The following UNC5C variants were observed in gnomAD, a reference collection of about 807,000 sequenced individuals.
UNC5C encodes the protein unc-5 netrin receptor C, also known as netrin receptor UNC5C.
Under a neutral mutation model 99.8 loss-of-function variants are expected in UNC5C, and 47 were observed. The observed-to-expected ratio is 0.47, with a 90% confidence interval of 0.37 to 0.60. The LOEUF (loss-of-function observed/expected upper bound fraction) is 0.60, where lower values mean the gene tolerates loss of function less well. Among genes scored for constraint, UNC5C ranks in the 20% least tolerant of loss-of-function variants. The pLI is 0.00. For missense variants in UNC5C, 1,062 were observed against 1,165.9 expected (o/e 0.91, Z 1.30); for synonymous variants, 487 against 452.2 (o/e 1.08, Z -0.98).
At chr4:95,452,316 T>C (rs1435573011) in intron 1 of UNC5C, among the ~76,000 whole-genome samples, 1 of 152,154 alleles carries the variant, frequency 6.6e-6, no homozygotes, top group East Asian at 1.9e-4. Flanking sequence ...TTCCAATCCT[T>C]TGCTTGAACA....
intron 1 of UNC5C, among the ~76,000 whole-genome samples, chr4:95,409,196 G>A (rs1217293100): frequency 6.6e-6 from 1 of 152,120 alleles, no homozygotes; most frequent in African/African-American, 2.4e-5. Flanking sequence ...TAAATAACAA[G>A]CATTACTATT....
At chr4:95,401,660 G>T (rs1379248948) in intron 1 of UNC5C, among the ~76,000 whole-genome samples, 1 of 152,142 alleles carries the variant, frequency 6.6e-6, no homozygotes, top group Non-Finnish European at 1.5e-5. Context: ...TATATGTTCA[G>T]CGCCTCTTCG....
rs201152268 is a variant in UNC5C at position 95,490,471 on chromosome 4, CTA to C, written c.124+58261_124+58262del. Among the ~76,000 whole-genome samples the C allele has an allele frequency of 8.6e-5, 13 of 151,766 alleles. No individual in the cohort carries two copies. The East Asian group carries it at 1.9e-3, about 23-fold the overall frequency. On this transcript the variant is annotated intron_variant, in intron 1 of 15. Coordinates refer to ENST00000453304, the MANE Select transcript of UNC5C (RefSeq NM_003728.4). ...CACTATAAAATAATTAACATCTTGA[CTA>C]TGTCTCAGATTCTGCATGTATATAT...
chr4:95,383,393 T>C (rs1167683229), intron 1 of UNC5C, among the ~76,000 whole-genome samples: 3 of 152,196 alleles, frequency 2.0e-5, no homozygotes, highest in African/African-American at 7.2e-5. Flanking sequence ...TATTTATTGT[T>C]ATTGTTAAAC....
chr4:95,242,703 AC>A, intron 6 of UNC5C, 110 bp from the exon 7 acceptor site: 14 of 1,182,786 alleles, frequency 1.2e-5, no homozygotes, highest in Non-Finnish European at 1.6e-5. Flanking sequence ...AGCATGCCCT[AC>A]TGAGAAGCAC....
intron 9 of UNC5C, among the ~76,000 whole-genome samples, chr4:95,216,869 A>G (rs781728006): frequency 3.3e-5 from 5 of 151,156 alleles, no homozygotes; most frequent in Admixed American, 6.5e-5. Flanking sequence ...AACCACCTGG[A>G]AAGCTTGTTA....
At chr4:95,296,053 A>C (rs925434600) in intron 3 of UNC5C, among the ~76,000 whole-genome samples, 2 of 152,300 alleles carry the variant, frequency 1.3e-5, no homozygotes, top group African/African-American at 4.8e-5. Context: ...GTGCTATTGC[A>C]CTCCCGTCTG....
intron 1 of UNC5C, among the ~76,000 whole-genome samples, chr4:95,405,475 T>C (rs1357113146): frequency 1.3e-5 from 2 of 152,320 alleles, no homozygotes; most frequent in Non-Finnish European, 2.9e-5. Context: ...CCAGTGATCC[T>C]CAGGGGGATG....
chr4:95,421,147 T>C (rs1313391783), intron 1 of UNC5C, among the ~76,000 whole-genome samples: 2 of 152,198 alleles, frequency 1.3e-5, no homozygotes, highest in Non-Finnish European at 2.9e-5. Flanking sequence ...TCCAAACAAA[T>C]TATACTGGAT....
At chr4:95,530,885 G>A (rs1033627229) in intron 1 of UNC5C, among the ~76,000 whole-genome samples, 4 of 152,106 alleles carry the variant, frequency 2.6e-5, no homozygotes, top group Non-Finnish European at 4.4e-5. Context: ...ATCAAGATTC[G>A]ATGACCTTTG....
chr4:95,273,867 G>A (rs1393886630), intron 4 of UNC5C, among the ~76,000 whole-genome samples: 3 of 152,028 alleles, frequency 2.0e-5, no homozygotes, highest in African/African-American at 4.8e-5. Flanking sequence ...GACTGATGGA[G>A]TCTGTCATCC....
intron 11 of UNC5C, among the ~76,000 whole-genome samples, chr4:95,205,926 G>A (rs1220823007): frequency 1.3e-5 from 2 of 151,824 alleles, no homozygotes; most frequent in Non-Finnish European, 2.9e-5. Context: ...GTACATGTCT[G>A]CAAGTAAGTG....
intron 1 of UNC5C, among the ~76,000 whole-genome samples, chr4:95,422,416 A>G (rs181800108): frequency 1.0e-3 from 152 of 152,224 alleles, no homozygotes; most frequent in Admixed American, 1.5e-3. Context: ...TGTTAAGAAA[A>G]CATTTTCTAA....
At position 95,356,224 on chromosome 4, in the gene UNC5C, A is replaced by AAAAAAAAAC. The variant is rs1560801873; in HGVS notation, c.125-20594_125-20593insGTTTTTTTT. 7.1e-5 allele frequency among the ~76,000 whole-genome samples: 9 copies of AAAAAAAAAC among 127,498 alleles called. 1 individual carries two copies. The highest frequency in any genetic ancestry group is 1.1e-4 in the Non-Finnish European group (7 of 62,006). 83.6% of individuals were successfully genotyped at this position (127,498 alleles called of 152,430 possible). The stretch of plus-strand genomic sequence containing the variant: ...AAAAAAAAAAAAAACAAAACAAAAA[A>AAAAAAAAAC]AAAACAGATTCCTCGTTCTTCCTCA... On this transcript the variant is annotated intron_variant, in intron 1 of 15. Coordinates refer to ENST00000453304, the MANE Select transcript of UNC5C (RefSeq NM_003728.4).
chr4:95,360,873 T>C (rs1744368630), intron 1 of UNC5C, among the ~76,000 whole-genome samples: 1 of 152,208 alleles, frequency 6.6e-6, no homozygotes, highest in Admixed American at 6.5e-5. Context: ...AAGAAAGTAA[T>C]TACAAGGTTT....
At chr4:95,381,414 A>T in intron 1 of UNC5C, among the ~76,000 whole-genome samples, 1 of 152,170 alleles carries the variant, frequency 6.6e-6, no homozygotes, top group Non-Finnish European at 1.5e-5. Context: ...AGAAAACTGG[A>T]GTGAAGGGGC....
At chr4:95,360,424 T>C (rs1320764879) in intron 1 of UNC5C, among the ~76,000 whole-genome samples, 1 of 152,132 alleles carries the variant, frequency 6.6e-6, no homozygotes, top group Admixed American at 6.6e-5. Flanking sequence ...GGAGAATTGT[T>C]AACTGCTCCA....
chr4:95,388,013 A>T (rs1350167925), intron 1 of UNC5C, among the ~76,000 whole-genome samples: 1 of 152,214 alleles, frequency 6.6e-6, no homozygotes, highest in Non-Finnish European at 1.5e-5. Context: ...ATTTGCTTTA[A>T]CATTGAAAAC....
chr4:95,345,468 A>T (rs899288304), intron 1 of UNC5C, among the ~76,000 whole-genome samples: 3 of 152,018 alleles, frequency 2.0e-5, no homozygotes, highest in East Asian at 1.9e-4. Flanking sequence ...AAACCAACAA[A>T]GAAACATCAG....
Sources: allele counts gnomAD v4.1 joint callset (sites outside exome capture counted in the v4.1 genomes callset), GRCh38; gene constraint gnomAD v4.1.1; transcripts MANE v1.5; gene names NCBI Gene and HGNC (gene_info 2026-07-23, HGNC 2026-07-21).